The following PTPRK variants were observed in gnomAD, a reference collection of about 807,000 sequenced individuals.
The protein encoded by PTPRK is protein tyrosine phosphatase receptor type K.
A neutral mutation model predicts 178.0 loss-of-function variants in PTPRK; 75 were observed. The observed-to-expected ratio is 0.42, with a 90% CI of 0.35 to 0.51. The LOEUF is 0.51. PTPRK is among the 20% of genes least tolerant of loss of function. PTPRK has a pLI of 0.02. For synonymous variants in PTPRK, 637 were observed against 620.6 expected, an observed-to-expected ratio of 1.03 and a Z score of -0.39; for missense variants, 1,441 against 1,797.8, an observed-to-expected ratio of 0.80 and a Z score of 3.59.
chr6:128,111,074 T>A (rs760932097), intron 7 of PTPRK, among the ~76,000 whole-genome samples: 1 of 152,212 alleles, frequency 6.6e-6, no homozygotes. Flanking sequence ...TAGTTTTCTA[T>A]ATTTTTGAGA....
chr6:128,079,359 T>C lies in PTPRK; in HGVS notation c.1778-441A>G, dbSNP rs117975486. On this transcript the variant is annotated intron_variant, in intron 10 of 29. Transcript: ENST00000368226. ...TGAAACAGTGTCGTTTATGATCTTATAGTGTAGAAAGACACAGTACTCTTA... is the reference window on the plus strand; with the variant it reads ...TGAAACAGTGTCGTTTATGATCTTACAGTGTAGAAAGACACAGTACTCTTA... 9.7e-3 allele frequency among the ~76,000 whole-genome samples: 1,471 copies of C among 152,088 alleles called. 13 individuals carry two copies. The highest frequency in any genetic ancestry group is 0.015 in the Non-Finnish European group (1,014 of 67,952).
At position 128,450,089 on chromosome 6, in the gene PTPRK, G is replaced by A. The variant is rs1847583844; in HGVS notation, c.101-52401C>T. 2.7e-5 allele frequency among the ~76,000 whole-genome samples: 4 copies of A among 150,610 alleles called. No individual in the cohort carries two copies. In the South Asian group the frequency reaches 8.4e-4, roughly 31 times the overall value. ...GCTGAGATCACGCCATTTCACTCCA[G>A]CCTGGGTGACAAAGCAAGACGCATC... On this transcript the variant is annotated intron_variant, in intron 1 of 29. Coordinates refer to ENST00000368226, the MANE Select transcript of PTPRK (RefSeq NM_002844.4).
At chr6:128,283,635 G>T (rs752772133) in intron 3 of PTPRK, among the ~76,000 whole-genome samples, 1 of 151,954 alleles carries the variant, frequency 6.6e-6, no homozygotes, top group Non-Finnish European at 1.5e-5. Flanking sequence ...TATACAGACC[G>T]AAAAATAATA....
At chr6:128,354,495 A>G (rs1833700085) in intron 2 of PTPRK, among the ~76,000 whole-genome samples, 1 of 152,056 alleles carries the variant, frequency 6.6e-6, no homozygotes, top group South Asian at 2.1e-4. Flanking sequence ...TCGGCCTCCC[A>G]AAGTGCTGGG....
At chr6:128,420,186 G>A (rs115889021) in intron 1 of PTPRK, among the ~76,000 whole-genome samples, 2 of 152,222 alleles carry the variant, frequency 1.3e-5, no homozygotes, top group Non-Finnish European at 1.5e-5. Flanking sequence ...TGTCTTTGTC[G>A]ATAGTGTGTC....
At chr6:128,259,288 G>C (rs1355309465) in intron 3 of PTPRK, among the ~76,000 whole-genome samples, 4 of 152,088 alleles carry the variant, frequency 2.6e-5, no homozygotes, top group Non-Finnish European at 4.4e-5. Flanking sequence ...CACTGTCAGG[G>C]AACACCAGTA....
intron 1 of PTPRK, among the ~76,000 whole-genome samples, chr6:128,399,679 C>T (rs1040457909): frequency 6.6e-6 from 1 of 152,158 alleles, no homozygotes; most frequent in East Asian, 1.9e-4. Flanking sequence ...TGTGAGTGCC[C>T]TCTGTATATA....
At chr6:128,033,483 C>T (rs1775691746) in intron 13 of PTPRK, among the ~76,000 whole-genome samples, 1 of 152,154 alleles carries the variant, frequency 6.6e-6, no homozygotes, top group Admixed American at 6.5e-5. Context: ...TTATTGCATT[C>T]AAATAAATTT....
intron 7 of PTPRK, among the ~76,000 whole-genome samples, chr6:128,136,841 T>C (rs1410199859): frequency 6.6e-6 from 1 of 152,182 alleles, no homozygotes; most frequent in Admixed American, 6.5e-5. Context: ...GCCGAATCCA[T>C]TGCTCAGAGC....
At chr6:128,026,273 A>T (rs573644493) in intron 13 of PTPRK, among the ~76,000 whole-genome samples, 1 of 152,208 alleles carries the variant, frequency 6.6e-6, no homozygotes, top group Non-Finnish European at 1.5e-5. Flanking sequence ...CTACTCACTC[A>T]TGTAAATACT....
intron 7 of PTPRK, among the ~76,000 whole-genome samples, chr6:128,129,566 G>A (rs1356795901): frequency 6.6e-6 from 1 of 152,030 alleles, no homozygotes; most frequent in African/African-American, 2.4e-5. Context: ...GTAAATGTCT[G>A]CTAAATAGAA....
Position 127,982,870 on chromosome 6 carries a change from G to A in PTPRK, c.3498C>T (p.Asp1166=), listed in dbSNP as rs1775506029. The part of the protein sequence containing the change: ...KAAYFDMIRI[D]SQTNSSHLKD... ...TGAGATGTGAAGAGTTAGTCTGGGA[G>A]TCTATTCTAATCATATCAAAATATG... Residue 1166 remains aspartate, a synonymous_variant, in exon 24 of 30, where the codon GAC becomes GAT. Coordinates refer to ENST00000368226, the MANE Select transcript of PTPRK (RefSeq NM_002844.4). 6.2e-7 allele frequency: 1 copy of A among 1,612,298 alleles called. No individual in the cohort carries two copies. Among genetic ancestry groups the A allele is most frequent in the South Asian group, 1.1e-5 (1 of 90,964 alleles).
chr6:128,255,244 C>G (rs1442813804), intron 3 of PTPRK, among the ~76,000 whole-genome samples: 2 of 152,150 alleles, frequency 1.3e-5, no homozygotes, highest in Non-Finnish European at 2.9e-5. Context: ...CCACCTCGGC[C>G]TCCCAAAGTG....
chr6:128,121,762 GT>G (rs950443460), intron 7 of PTPRK, among the ~76,000 whole-genome samples: 12 of 151,034 alleles, frequency 7.9e-5, no homozygotes, highest in African/African-American at 1.7e-4. Flanking sequence ...AATGTGCGGG[GT>G]TTTTTTTTCC....
At chr6:128,279,717 T>C (rs76357956) in intron 3 of PTPRK, among the ~76,000 whole-genome samples, 3,117 of 152,264 alleles carry the variant, frequency 0.02, 100 homozygotes, top group African/African-American at 0.071. Flanking sequence ...TAAAATATTA[T>C]CTATTTTAAT....
rs116970877 is a variant in PTPRK at position 128,461,105 on chromosome 6, G to A, written c.100+59154C>T. ...TTTCTTATAATGGACCAATTTAATC[G>A]AAGTGTTTCTCTTCAGCACATCAAC... On this transcript the variant is annotated intron_variant, in intron 1 of 29. Transcript: ENST00000368226. Among the ~76,000 whole-genome samples, 1,261 of 152,008 alleles carry A rather than the reference G, an allele frequency of 8.3e-3. 6 individuals carry two copies. The highest frequency in any genetic ancestry group is 0.015 in the Non-Finnish European group (999 of 67,962).
chr6:128,057,424 T>A (rs1562506142), intron 13 of PTPRK, among the ~76,000 whole-genome samples: 1 of 152,194 alleles, frequency 6.6e-6, no homozygotes, highest in Admixed American at 6.5e-5. Flanking sequence ...GCAAATAATG[T>A]GCTTTATGCT....
chr6:128,326,897 A>T (rs1488569744), intron 2 of PTPRK, among the ~76,000 whole-genome samples: 2 of 152,178 alleles, frequency 1.3e-5, no homozygotes, highest in African/African-American at 4.8e-5. Flanking sequence ...ATGAATAATG[A>T]TAAATAGTAA....
intron 1 of PTPRK, among the ~76,000 whole-genome samples, chr6:128,404,696 T>C (rs1344782498): frequency 1.3e-5 from 2 of 152,184 alleles, no homozygotes; most frequent in Non-Finnish European, 2.9e-5. Context: ...TTGGAGCTAA[T>C]GGGTAATTAA....
Sources: gnomAD v4.1 joint callset for allele counts (sites outside exome capture counted in the v4.1 genomes callset) on GRCh38, gnomAD v4.1.1 for gene constraint, MANE v1.5 for transcripts, NCBI Gene and HGNC (gene_info 2026-07-23, HGNC 2026-07-21) for gene names.